LRRC8D: variants seen among roughly 807,000 people sequenced by gnomAD.
The protein encoded by LRRC8D is leucine rich repeat containing 8 VRAC subunit D.
In LRRC8D, 20 loss-of-function variants were observed where a neutral mutation model predicts 55.8. The ratio of observed to expected loss-of-function variants is 0.36; its 90% CI spans 0.25 to 0.52. The LOEUF is 0.52. Among genes scored for constraint, LRRC8D ranks in the 20% least tolerant of loss-of-function variants. The probability of loss-of-function intolerance (pLI) is 0.93; values close to 1 mark genes in which losing one functional copy is unlikely to be tolerated. For synonymous variants in LRRC8D, 352 were observed against 377.0 expected (o/e 0.93, Z 0.77); for missense variants, 651 against 1,030.8 (o/e 0.63, Z 5.05).
chr1:89,899,323 C>T (rs1030008743), intron 2 of LRRC8D, among the ~76,000 whole-genome samples: 11 of 152,158 alleles, frequency 7.2e-5, no homozygotes, highest in African/African-American at 9.7e-5. Flanking sequence ...CCCATTCTGC[C>T]GGTGACCTGT....
chr1:89,854,681 C>T (rs974919230), intron 2 of LRRC8D, among the ~76,000 whole-genome samples: 3 of 152,120 alleles, frequency 2.0e-5, no homozygotes, highest in Non-Finnish European at 4.4e-5. Flanking sequence ...CATCATTAGA[C>T]AAAAATGAGT....
At chr1:89,928,735 A>G (rs1357331492) in intron 2 of LRRC8D, among the ~76,000 whole-genome samples, 1 of 152,180 alleles carries the variant, frequency 6.6e-6, no homozygotes, top group African/African-American at 2.4e-5. Flanking sequence ...AGCCTCTTCT[A>G]TTTCCTGGGA....
intron 2 of LRRC8D, among the ~76,000 whole-genome samples, chr1:89,915,272 T>A (rs1004718678): frequency 1.3e-5 from 2 of 152,164 alleles, no homozygotes. Flanking sequence ...CTTATATATT[T>A]CTTAGCATTT....
At chr1:89,874,960 G>C (rs953775091) in intron 2 of LRRC8D, among the ~76,000 whole-genome samples, 1 of 152,044 alleles carries the variant, frequency 6.6e-6, no homozygotes, top group Non-Finnish European at 1.5e-5. Context: ...TCCTATAATG[G>C]GAATTTGAAT....
At position 89,872,060 on chromosome 1, in the gene LRRC8D, T is replaced by G. The variant is rs180935516; in HGVS notation, c.-3+28278T>G. ...ATTACCTGGCAATCTCTGGCAAAGT[T>G]TCACACTTAAATTTTATAAATTGGG... is the stretch of plus-strand genomic sequence containing the variant. On this transcript the variant is annotated intron_variant, in intron 2 of 2. Coordinates refer to ENST00000337338, the MANE Select transcript of LRRC8D (RefSeq NM_001134479.2). 1.3e-3 allele frequency among the ~76,000 whole-genome samples: 194 copies of G among 152,366 alleles called. 1 individual carries two copies. The highest frequency in any genetic ancestry group is 4.4e-3 in the African/African-American group (182 of 41,590).
At chr1:89,856,238 A>G (rs1661547603) in intron 2 of LRRC8D, among the ~76,000 whole-genome samples, 1 of 152,222 alleles carries the variant, frequency 6.6e-6, no homozygotes. Context: ...AGATCAGTAA[A>G]TAATTGCATA....
intron 2 of LRRC8D, among the ~76,000 whole-genome samples, chr1:89,924,986 G>A (rs1663521011): frequency 6.6e-6 from 1 of 152,126 alleles, no homozygotes; most frequent in African/African-American, 2.4e-5. Flanking sequence ...ACCTTGATTG[G>A]GGGTCCCCAA....
intron 2 of LRRC8D, among the ~76,000 whole-genome samples, chr1:89,930,871 C>CA (rs1663688144): frequency 6.6e-6 from 1 of 151,542 alleles, no homozygotes; most frequent in Non-Finnish European, 1.5e-5. Context: ...CCTGCTTATC[C>CA]AAGCCATTCA....
chr1:89,834,009 C>A (rs958792862), intron 1 of LRRC8D, among the ~76,000 whole-genome samples: 2 of 152,146 alleles, frequency 1.3e-5, no homozygotes, highest in Non-Finnish European at 2.9e-5. Context: ...ACTGTGGCTG[C>A]AGGCAGTTGC....
At chr1:89,871,380 C>G (rs1662001972) in intron 2 of LRRC8D, among the ~76,000 whole-genome samples, 1 of 152,212 alleles carries the variant, frequency 6.6e-6, no homozygotes, top group African/African-American at 2.4e-5. Context: ...TGAAAACACA[C>G]ACAAGCACTT....
chr1:89,896,039 A>G (rs1019414136), intron 2 of LRRC8D, among the ~76,000 whole-genome samples: 1 of 152,260 alleles, frequency 6.6e-6, no homozygotes, highest in African/African-American at 2.4e-5. Context: ...AATGTCCACA[A>G]ATACATTCTC....
chr1:89,902,069 G>A (rs1454125173), intron 2 of LRRC8D, among the ~76,000 whole-genome samples: 1 of 152,258 alleles, frequency 6.6e-6, no homozygotes, highest in Non-Finnish European at 1.5e-5. Context: ...TGGGGCAGAA[G>A]TAGGCCAGGG....
In LRRC8D at chr1:89,825,205, G is replaced by T. The variant is rs941253107; in HGVS notation, c.-148+3914G>T. On this transcript the variant is annotated intron_variant, in intron 1 of 2. Coordinates refer to ENST00000337338, the MANE Select transcript of LRRC8D (RefSeq NM_001134479.2). The stretch of plus-strand genomic sequence containing the variant: ...CTATGTAAAACTCAGTAGTTTGGGG[G>T]CTCTATTGGTCCTATATGAGAGCTG... Among the ~76,000 whole-genome samples, 5 of 152,294 alleles carry T rather than the reference G, an allele frequency of 3.3e-5. No homozygotes were observed. In the South Asian group the frequency reaches 6.2e-4, roughly 19 times the overall value.
intron 2 of LRRC8D, among the ~76,000 whole-genome samples, chr1:89,923,154 A>G (rs892089724): frequency 5.9e-5 from 9 of 152,220 alleles, no homozygotes; most frequent in Admixed American, 3.3e-4. Context: ...TCCATGAGAA[A>G]TGTTTGCTTA....
At chr1:89,855,505 C>T (rs571642363) in intron 2 of LRRC8D, among the ~76,000 whole-genome samples, 8 of 152,238 alleles carry the variant, frequency 5.3e-5, no homozygotes, top group South Asian at 2.1e-4. Context: ...ATGCTCATGC[C>T]GATTTGAGAG....
At chr1:89,894,486 T>C (rs1306176467) in intron 2 of LRRC8D, among the ~76,000 whole-genome samples, 5 of 152,178 alleles carry the variant, frequency 3.3e-5, no homozygotes, top group Admixed American at 1.3e-4. Flanking sequence ...ACATAGGAAA[T>C]TGAGATGCTC....
chr1:89,835,550 G>C (rs1483345968), intron 1 of LRRC8D, among the ~76,000 whole-genome samples: 2 of 152,162 alleles, frequency 1.3e-5, no homozygotes, highest in Non-Finnish European at 2.9e-5. Context: ...CTTTTAGAAG[G>C]CAGAGGAATA....
At chr1:89,829,195 CG>C (rs1557439661) in intron 1 of LRRC8D, among the ~76,000 whole-genome samples, 1 of 152,072 alleles carries the variant, frequency 6.6e-6, no homozygotes, top group African/African-American at 2.4e-5. Context: ...TTTTTGTTTT[CG>C]TATTTAACTT....
chr1:89,883,885 A>G (rs1662342946), intron 2 of LRRC8D, among the ~76,000 whole-genome samples: 1 of 152,150 alleles, frequency 6.6e-6, no homozygotes, highest in African/African-American at 2.4e-5. Flanking sequence ...AAACATAGGG[A>G]CTTTAGAAAA....
Sources: allele counts gnomAD v4.1 joint callset (sites outside exome capture counted in the v4.1 genomes callset), GRCh38; gene constraint gnomAD v4.1.1; transcripts MANE v1.5; gene names NCBI Gene and HGNC (gene_info 2026-07-23, HGNC 2026-07-21).